The following ABCA13 variants were observed in gnomAD, a reference collection of about 807,000 sequenced individuals.
ABCA13 encodes ATP-binding cassette sub-family A member 13.
In ABCA13, 476 loss-of-function variants were observed where a neutral mutation model predicts 478.7. The observed-to-expected ratio is 0.99, with a 90% CI of 0.92 to 1.07. The LOEUF (loss-of-function observed/expected upper bound fraction) is 1.07. Ranked by LOEUF, ABCA13 falls within the 50% of genes least tolerant of loss-of-function variation. The pLI, the probability that ABCA13 is intolerant of heterozygous loss-of-function variation, is 0.00. For missense variants in ABCA13, 6,060 were observed against 5,910.6 expected, an observed-to-expected ratio of 1.03 and a Z score of -0.83; for synonymous variants, 2,252 against 2,158.9, an observed-to-expected ratio of 1.04 and a Z score of -1.20.
At chr7:48,374,111 G>C (rs1288364383) in intron 33 of ABCA13, among the ~76,000 whole-genome samples, 1 of 152,142 alleles carries the variant, frequency 6.6e-6, no homozygotes, top group African/African-American at 2.4e-5. Flanking sequence ...TCTCGGTAAA[G>C]AGAAATAATT....
At chr7:48,513,398 A>G (rs1167418817) in intron 51 of ABCA13, among the ~76,000 whole-genome samples, 4 of 152,240 alleles carry the variant, frequency 2.6e-5, no homozygotes, top group African/African-American at 9.6e-5. Flanking sequence ...TATTTAAACT[A>G]TAAAAGGGAG....
chr7:48,454,373 C>T (rs1047453260), intron 42 of ABCA13, among the ~76,000 whole-genome samples: 2 of 152,230 alleles, frequency 1.3e-5, no homozygotes, highest in Admixed American at 1.3e-4. Context: ...TCCAAAGGAT[C>T]ACTCTTGAGG....
intron 48 of ABCA13, among the ~76,000 whole-genome samples, chr7:48,499,334 C>T (rs1487930440): frequency 6.6e-6 from 1 of 152,130 alleles, no homozygotes; most frequent in South Asian, 2.1e-4. Context: ...GTAAACTTTC[C>T]ACATATATTG....
intron 42 of ABCA13, among the ~76,000 whole-genome samples, chr7:48,442,041 G>A (rs1823673681): frequency 6.6e-6 from 1 of 152,204 alleles, no homozygotes; most frequent in African/African-American, 2.4e-5. Flanking sequence ...TGTAAACAGA[G>A]GCTGTGTGAG....
At chr7:48,440,725 GAT>G in intron 42 of ABCA13, among the ~76,000 whole-genome samples, 1 of 151,248 alleles carries the variant, frequency 6.6e-6, no homozygotes, top group East Asian at 1.9e-4. Context: ...CTCTATATAG[GAT>G]ATATATATCC....
At chr7:48,303,411 A>G (rs986785072) in intron 23 of ABCA13, among the ~76,000 whole-genome samples, 1 of 152,148 alleles carries the variant, frequency 6.6e-6, no homozygotes, top group Non-Finnish European at 1.5e-5. Context: ...GTCTTTGCCC[A>G]TTCCTATGTC....
intron 59 of ABCA13, among the ~76,000 whole-genome samples, chr7:48,623,136 T>A (rs1174610033): frequency 6.6e-6 from 1 of 152,202 alleles, no homozygotes; most frequent in Non-Finnish European, 1.5e-5. Flanking sequence ...TCTCGCTGCA[T>A]CTTCAATGGT....
intron 31 of ABCA13, among the ~76,000 whole-genome samples, chr7:48,359,002 T>G (rs1410689410): frequency 6.6e-6 from 1 of 151,974 alleles, no homozygotes; most frequent in Non-Finnish European, 1.5e-5. Context: ...ATGAAAAAAC[T>G]GCATTTGGGT....
intron 59 of ABCA13, among the ~76,000 whole-genome samples, chr7:48,636,921 T>G (rs1457258479): frequency 1.3e-5 from 2 of 152,190 alleles, no homozygotes; most frequent in Non-Finnish European, 2.9e-5. Context: ...GGTTGAATCT[T>G]AAAGCAATTC....
intron 55 of ABCA13, among the ~76,000 whole-genome samples, chr7:48,547,841 A>G (rs1390681687): frequency 1.3e-5 from 2 of 152,048 alleles, no homozygotes; most frequent in South Asian, 4.2e-4. Flanking sequence ...AAGATAGGCT[A>G]GGATAAGTGA....
chr7:48,437,668 T>C (rs1823025408), intron 42 of ABCA13, among the ~76,000 whole-genome samples: 2 of 152,106 alleles, frequency 1.3e-5, no homozygotes, highest in South Asian at 4.1e-4. Context: ...CTGTTTTTCT[T>C]TGTCTAAATA....
chr7:48,437,159 A>G (rs1016991816), intron 42 of ABCA13, among the ~76,000 whole-genome samples: 6 of 151,628 alleles, frequency 4.0e-5, no homozygotes, highest in Non-Finnish European at 8.8e-5. Context: ...TTTTCCCTTC[A>G]TTTCTGCCAG....
chr7:48,557,765 A>G lies in ABCA13; in HGVS notation c.14355-22459A>G, dbSNP rs370278801. 4.9e-4 allele frequency among the ~76,000 whole-genome samples: 75 copies of G among 152,290 alleles called. No homozygotes were observed. The East Asian group carries it at 0.011, about 22-fold the overall frequency. ...ACATTAAAAGTAATTACTTTTGGCA[A>G]TTAAAAGTAATTACCACAATTACAT... On this transcript the variant is annotated intron_variant, in intron 55 of 61. Transcript: ENST00000435803.
intron 42 of ABCA13, among the ~76,000 whole-genome samples, chr7:48,431,675 G>A (rs1822167634): frequency 6.6e-6 from 1 of 152,054 alleles, no homozygotes; most frequent in South Asian, 2.1e-4. Flanking sequence ...GTCTTTGCGG[G>A]CTCTGTTAGG....
At chr7:48,535,190 C>A (rs1190498472) in intron 55 of ABCA13, among the ~76,000 whole-genome samples, 1 of 152,070 alleles carries the variant, frequency 6.6e-6, no homozygotes, top group Non-Finnish European at 1.5e-5. Context: ...TTCTTTTGTC[C>A]CACAGGGTGC....
chr7:48,430,001 T>C (rs1483500491), intron 42 of ABCA13, among the ~76,000 whole-genome samples: 2 of 152,180 alleles, frequency 1.3e-5, no homozygotes, highest in African/African-American at 4.8e-5. Context: ...CAATTTTCTT[T>C]TCTTGCAGTG....
At chr7:48,561,219 C>T (rs1786425896) in intron 55 of ABCA13, among the ~76,000 whole-genome samples, 1 of 152,158 alleles carries the variant, frequency 6.6e-6, no homozygotes, top group Non-Finnish European at 1.5e-5. Context: ...CTACAGCTAA[C>T]TCTTCAACAT....
chr7:48,585,192 G>A (rs1585887021), intron 56 of ABCA13, among the ~76,000 whole-genome samples: 1 of 152,112 alleles, frequency 6.6e-6, no homozygotes, highest in Non-Finnish European at 1.5e-5. Flanking sequence ...TGCTTGTGAT[G>A]AATAAAACGT....
chr7:48,547,828 C>CT (rs11443670), intron 55 of ABCA13, among the ~76,000 whole-genome samples: 21,312 of 151,782 alleles, frequency 0.14, 2,077 homozygotes, highest in African/African-American at 0.23. Flanking sequence ...TCTGAGCACA[C>CT]TTAAGATAGG....
Sources: allele counts gnomAD v4.1 joint callset (sites outside exome capture counted in the v4.1 genomes callset), GRCh38; gene constraint gnomAD v4.1.1; transcripts MANE v1.5; gene names NCBI Gene and HGNC (gene_info 2026-07-23, HGNC 2026-07-21).